TPRG1: variants seen among roughly 807,000 people sequenced by gnomAD.
TPRG1 encodes the protein tumor protein p63-regulated gene 1 protein.
TPRG1 carries 29 observed loss-of-function variants against 29.3 expected under a neutral mutation model. The observed-to-expected ratio is 0.99, with a 90% CI of 0.74 to 1.35. The LOEUF (loss-of-function observed/expected upper bound fraction) is 1.35, where lower values mean the gene tolerates loss of function less well. Ranked by LOEUF, TPRG1 falls within the 40% of genes most tolerant of loss-of-function variation. TPRG1 has a pLI of 0.00. For missense variants in TPRG1, 327 were observed against 335.0 expected (o/e 0.98, Z 0.19); for synonymous variants, 130 against 116.8 (o/e 1.11, Z -0.73).
intron 3 of TPRG1, among the ~76,000 whole-genome samples, chr3:189,020,090 T>C (rs1186081869): frequency 1.3e-5 from 2 of 152,146 alleles, no homozygotes; most frequent in Non-Finnish European, 2.9e-5. Flanking sequence ...CCCTTTATCA[T>C]TTTTTATTGC....
intron 1 of TPRG1, among the ~76,000 whole-genome samples, chr3:189,201,181 T>C (rs956176286): frequency 1.3e-5 from 2 of 152,068 alleles, no homozygotes; most frequent in Non-Finnish European, 2.9e-5. Flanking sequence ...TTCAGCCCCA[T>C]GTGTTTGGTT....
At position 189,174,713 on chromosome 3, in the gene TPRG1, T is replaced by C. The variant is rs77239036; in HGVS notation, c.-10+2582T>C. ...TTGGCTCTGATACCTACCCAGGATA[T>C]TTTCTTCAGCTAGCTATCAAAACTC... On this transcript the variant is annotated intron_variant, in intron 1 of 5. Transcript: ENST00000345063. Among the ~76,000 whole-genome samples, 1,032 of 152,320 alleles carry C rather than the reference T, an allele frequency of 6.8e-3. 7 individuals are homozygous for C. The highest frequency in any genetic ancestry group is 0.012 in the Non-Finnish European group (788 of 68,022).
At position 189,318,061 on chromosome 3, in the gene TPRG1, C is replaced by T. The variant is rs1490201996; in HGVS notation, c.634-2565C>T. ...ATGATATATACAGTCTGTCCAGCAG[C>T]GTGACTTCTCAAGTGATTTCAAGTA... On this transcript the variant is annotated intron_variant, in intron 5 of 5. Coordinates refer to ENST00000345063, the MANE Select transcript of TPRG1 (RefSeq NM_198485.4). 5.9e-5 allele frequency among the ~76,000 whole-genome samples: 9 copies of T among 152,224 alleles called. No homozygotes were observed. The South Asian group carries it at 6.2e-4, about 11-fold the overall frequency.
chr3:189,066,843 G>A (rs1259203397), intron 4 of TPRG1, among the ~76,000 whole-genome samples: 1 of 151,974 alleles, frequency 6.6e-6, no homozygotes, highest in Non-Finnish European at 1.5e-5. Context: ...GAAAAAAACA[G>A]AAAAGGCATC....
chr3:189,219,850 G>C (rs1448165346), intron 3 of TPRG1: 1 of 800,794 alleles, frequency 1.2e-6, no homozygotes, highest in African/African-American at 1.9e-5. Context: ...CTTTATAAAA[G>C]ATACTTAAAA....
intron 4 of TPRG1, among the ~76,000 whole-genome samples, chr3:189,081,888 C>A (rs558910091): frequency 3.9e-5 from 6 of 152,146 alleles, no homozygotes; most frequent in African/African-American, 1.4e-4. Context: ...ATTTAACTGT[C>A]TTTGGAGGTT....
chr3:189,116,415 G>A (rs1721180163), intron 1 of TPRG1, among the ~76,000 whole-genome samples: 1 of 152,094 alleles, frequency 6.6e-6, no homozygotes, highest in Non-Finnish European at 1.5e-5. Context: ...CTGACCTCGT[G>A]ATCCACCCAC....
intron 3 of TPRG1, among the ~76,000 whole-genome samples, chr3:189,141,698 A>G (rs1474171497): frequency 6.6e-6 from 1 of 152,226 alleles, no homozygotes; most frequent in Non-Finnish European, 1.5e-5. Flanking sequence ...GTATTACTGG[A>G]TCTACAATGA....
chr3:189,047,466 A>G (rs888014275), intron 4 of TPRG1, among the ~76,000 whole-genome samples: 5 of 152,210 alleles, frequency 3.3e-5, no homozygotes, highest in African/African-American at 9.6e-5. Flanking sequence ...CTGTATGTTG[A>G]TGGCTGATGA....
chr3:189,086,430 C>T (rs748852838), intron 4 of TPRG1, among the ~76,000 whole-genome samples: 4 of 151,928 alleles, frequency 2.6e-5, no homozygotes, highest in Non-Finnish European at 5.9e-5. Flanking sequence ...ACAATCAAAG[C>T]TCATTGCATC....
At chr3:189,277,958 C>T (rs1716450803) in intron 4 of TPRG1, among the ~76,000 whole-genome samples, 1 of 152,174 alleles carries the variant, frequency 6.6e-6, no homozygotes, top group Admixed American at 6.5e-5. Flanking sequence ...GCTTCTTTTG[C>T]CTCTGAAGCC....
chr3:189,120,282 C>G (rs540277862), intron 1 of TPRG1: 1 of 152,072 alleles, frequency 6.6e-6, no homozygotes, highest in Admixed American at 6.6e-5. Flanking sequence ...TGACTAGAAC[C>G]GCCACCACTG....
At chr3:189,305,997 C>G (rs1420483627) in intron 4 of TPRG1, among the ~76,000 whole-genome samples, 2 of 152,154 alleles carry the variant, frequency 1.3e-5, no homozygotes, top group Non-Finnish European at 2.9e-5. Context: ...ATAAGTGATC[C>G]TCTATTTCTG....
intron 4 of TPRG1, among the ~76,000 whole-genome samples, chr3:189,037,734 A>T (rs1037280452): frequency 1.5e-4 from 23 of 152,010 alleles, no homozygotes; most frequent in Non-Finnish European, 2.7e-4. Flanking sequence ...TTTTGTATAC[A>T]ACTAGTAAGA....
rs549583843 is a variant in TPRG1, at chr3:189,226,987, A to T, written c.302+11604A>T. Among the ~76,000 whole-genome samples the T allele has an allele frequency of 5.9e-5, 9 of 151,964 alleles. No homozygotes were observed. In the South Asian group the frequency reaches 1.9e-3, roughly 32 times the overall value. On this transcript the variant is annotated intron_variant, in intron 3 of 5. Coordinates refer to ENST00000345063, the MANE Select transcript of TPRG1 (RefSeq NM_198485.4). ...GAAACAAACCAATTTCGCAAAACAC[A>T]CAAACTATTGCTACTCACTCAACAT...
intron 3 of TPRG1, among the ~76,000 whole-genome samples, chr3:189,016,799 T>A (rs1270885220): frequency 6.6e-6 from 1 of 152,206 alleles, no homozygotes; most frequent in Non-Finnish European, 1.5e-5. Context: ...CCCTTCACCT[T>A]CTGCCATGAT....
chr3:189,259,622 C>G (rs1712633181), intron 4 of TPRG1, among the ~76,000 whole-genome samples: 1 of 151,850 alleles, frequency 6.6e-6, no homozygotes. Flanking sequence ...GTGTCTGCCA[C>G]CACACCCTGA....
chr3:189,137,296 A>ATGTGTGTGTGTGTG (rs10525363), intron 3 of TPRG1, among the ~76,000 whole-genome samples: 12 of 129,904 alleles, frequency 9.2e-5, no homozygotes, highest in South Asian at 2.8e-4. Context: ...AAACCCCAAA[A>ATGTGTGTGTGTGTG]TGTGTGTGTG....
chr3:189,082,046 G>A (rs1717626208), intron 4 of TPRG1, among the ~76,000 whole-genome samples: 1 of 152,148 alleles, frequency 6.6e-6, no homozygotes, highest in Non-Finnish European at 1.5e-5. Context: ...GACAACATTG[G>A]ACTTGTTGTC....
Sources: gnomAD v4.1 joint callset for allele counts (sites outside exome capture counted in the v4.1 genomes callset) on GRCh38, gnomAD v4.1.1 for gene constraint, MANE v1.5 for transcripts, NCBI Gene and HGNC (gene_info 2026-07-23, HGNC 2026-07-21) for gene names.